NTM: variants seen among roughly 807,000 people sequenced by gnomAD.
NTM encodes IgLON family member 2.
NTM carries 13 observed loss-of-function variants against 42.1 expected under a neutral mutation model. That is an observed-to-expected ratio of 0.31 (90% CI 0.20 to 0.49). The LOEUF (loss-of-function observed/expected upper bound fraction) is 0.49. Among genes scored for constraint, NTM ranks in the 20% least tolerant of loss-of-function variants. NTM has a pLI of 0.99. For missense variants in NTM, 373 were observed against 452.8 expected, an observed-to-expected ratio of 0.82 and a Z score of 1.60; for synonymous variants, 187 against 179.2, an observed-to-expected ratio of 1.04 and a Z score of -0.35.
At chr11:131,984,736 A>C (rs1471217422) in intron 2 of NTM, 1 of 152,184 alleles carries the variant, frequency 6.6e-6, no homozygotes, top group Non-Finnish European at 1.5e-5. Context: ...CTTCTTCCCT[A>C]TTTATTTTCA....
rs541068505 is a variant in NTM at position 132,320,836 on chromosome 11, G to A, written c.934+6133G>A. On this transcript the variant is annotated intron_variant, in intron 7 of 8. Coordinates refer to ENST00000683400, the MANE Select transcript of NTM (RefSeq NM_001352005.2). The stretch of plus-strand genomic sequence containing the variant: ...GTACGCAGCTGGAGATCTGAGAACG[G>A]GCAGACTGCCTCCTCAAGTGGGTCC... Among the ~76,000 whole-genome samples the A allele has an allele frequency of 4.6e-5, 7 of 151,542 alleles. No homozygotes were observed. The East Asian group carries it at 5.8e-4, about 13-fold the overall frequency.
Position 131,481,310 on chromosome 11 carries a change from T to C in NTM, c.82+110422T>C, listed in dbSNP as rs1270747643. Among the ~76,000 whole-genome samples the C allele has an allele frequency of 3.3e-5, 5 of 152,276 alleles. No homozygotes were observed. In the East Asian group the frequency reaches 7.7e-4, roughly 24 times the overall value. Reference sequence around the variant, plus strand: ...GAAGATCCCCTGAACGTGGAGACGGTGAAAGTGTGTGGCTCCCATCTCCAC... The same window carrying C: ...GAAGATCCCCTGAACGTGGAGACGGCGAAAGTGTGTGGCTCCCATCTCCAC... On this transcript the variant is annotated intron_variant, in intron 1 of 8. Coordinates refer to ENST00000683400, the MANE Select transcript of NTM (RefSeq NM_001352005.2).
At chr11:131,964,699 A>G (rs748562895) in intron 2 of NTM, among the ~76,000 whole-genome samples, 59 of 152,168 alleles carry the variant, frequency 3.9e-4, no homozygotes, top group Non-Finnish European at 7.3e-4. Context: ...TCTGGCCATC[A>G]TCGTCAGCCT....
chr11:131,688,337 G>A (rs113619001), intron 1 of NTM, among the ~76,000 whole-genome samples: 21 of 152,334 alleles, frequency 1.4e-4, no homozygotes, highest in African/African-American at 5.1e-4. Context: ...TTCAAAGCAG[G>A]GTTGGAAGGA....
At chr11:132,090,968 C>G (rs954516726) in intron 2 of NTM, among the ~76,000 whole-genome samples, 1 of 152,204 alleles carries the variant, frequency 6.6e-6, no homozygotes, top group African/African-American at 2.4e-5. Context: ...TCTATTCCTC[C>G]CATTCTCTAT....
At chr11:131,823,447 C>G (rs561263437) in intron 1 of NTM, among the ~76,000 whole-genome samples, 1 of 152,276 alleles carries the variant, frequency 6.6e-6, no homozygotes, top group South Asian at 2.1e-4. Flanking sequence ...ACCAGAGACG[C>G]GGCTCAGACC....
intron 4 of NTM, chr11:132,284,329 G>A (rs1417627123): frequency 1.3e-5 from 2 of 152,358 alleles, no homozygotes; most frequent in East Asian, 3.9e-4. Flanking sequence ...GTTGATTTCT[G>A]GGAGGGCCTC....
intron 2 of NTM, among the ~76,000 whole-genome samples, chr11:132,051,052 T>C (rs2135918792): frequency 6.6e-6 from 1 of 152,344 alleles, no homozygotes. Flanking sequence ...GATGCCTTGC[T>C]CCTTGGTTAA....
chr11:131,788,754 A>G (rs1405394150), intron 1 of NTM, among the ~76,000 whole-genome samples: 2 of 151,872 alleles, frequency 1.3e-5, no homozygotes, highest in Non-Finnish European at 2.9e-5. Flanking sequence ...TGCTTCTCCC[A>G]CTTTCTTTTC....
intron 1 of NTM, among the ~76,000 whole-genome samples, chr11:131,399,671 T>G (rs1277124219): frequency 6.6e-6 from 1 of 152,138 alleles, no homozygotes; most frequent in African/African-American, 2.4e-5. Context: ...AGAAGAGATG[T>G]GATGAGGCCG....
In NTM at chr11:132,213,809, A is replaced by G. The variant is rs1592264838; in HGVS notation, c.526+1662A>G. On this transcript the variant is annotated intron_variant, in intron 4 of 8. Coordinates refer to ENST00000683400, the MANE Select transcript of NTM (RefSeq NM_001352005.2). ...GAGTGCAGTGGCGGGATCTCGGCTC[A>G]CTGCAAGCTCCGCCTCCCGGGTTCA... 5.5e-5 allele frequency among the ~76,000 whole-genome samples: 3 copies of G among 54,108 alleles called. No individual in the cohort carries two copies. In the South Asian group the frequency reaches 1.5e-3, roughly 27 times the overall value. 35.5% of individuals were successfully genotyped at this position (54,108 alleles called of 152,430 possible). A position where few individuals can be genotyped will look rare whatever the true frequency, so the allele number is the denominator to read the frequency against.
chr11:131,852,089 G>T (rs961716047), intron 1 of NTM, among the ~76,000 whole-genome samples: 1 of 152,148 alleles, frequency 6.6e-6, no homozygotes, highest in African/African-American at 2.4e-5. Context: ...GAGACTGACA[G>T]AGCGGGAGTG....
At chr11:131,671,774 T>C (rs1317152250) in intron 1 of NTM, among the ~76,000 whole-genome samples, 1 of 152,166 alleles carries the variant, frequency 6.6e-6, no homozygotes, top group Non-Finnish European at 1.5e-5. Flanking sequence ...GAGAAGTGTG[T>C]CCCCTGAGCT....
At chr11:131,699,457 A>T (rs554512574) in intron 1 of NTM, among the ~76,000 whole-genome samples, 59 of 152,356 alleles carry the variant, frequency 3.9e-4, no homozygotes, top group African/African-American at 1.4e-3. Flanking sequence ...CATCAAATAC[A>T]GATGAATGGC....
At chr11:131,794,334 G>C (rs2091305825) in intron 1 of NTM, 1 of 261,356 alleles carries the variant, frequency 3.8e-6, no homozygotes, top group Non-Finnish European at 6.0e-6. Flanking sequence ...GGAAGAAAGG[G>C]ACAAATCCTT....
At chr11:132,239,617 C>T (rs1317567440) in intron 4 of NTM, among the ~76,000 whole-genome samples, 10 of 152,270 alleles carry the variant, frequency 6.6e-5, no homozygotes, top group South Asian at 2.1e-4. Context: ...ACTTGGCCAA[C>T]GGTATAAATT....
chr11:131,656,658 C>T (rs931868374), intron 1 of NTM, among the ~76,000 whole-genome samples: 3 of 152,104 alleles, frequency 2.0e-5, no homozygotes, highest in Admixed American at 2.0e-4. Context: ...AGGAGGAGGG[C>T]GGGGCATAAG....
At chr11:131,708,094 CA>C (rs1565452080) in intron 1 of NTM, among the ~76,000 whole-genome samples, 1 of 151,864 alleles carries the variant, frequency 6.6e-6, no homozygotes, top group African/African-American at 2.4e-5. Flanking sequence ...AATCAACATA[CA>C]AAAATTAGTG....
At chr11:132,142,833 G>T (rs183274265) in intron 2 of NTM, among the ~76,000 whole-genome samples, 3 of 152,262 alleles carry the variant, frequency 2.0e-5, no homozygotes, top group Admixed American at 2.0e-4. Flanking sequence ...AACCTCTCTG[G>T]CCCTGTAGTG....
Sources: allele counts gnomAD v4.1 joint callset (sites outside exome capture counted in the v4.1 genomes callset), GRCh38; gene constraint gnomAD v4.1.1; transcripts MANE v1.5; gene names NCBI Gene and HGNC (gene_info 2026-07-23, HGNC 2026-07-21).